CALN1: variants seen among roughly 807,000 people sequenced by gnomAD.
CALN1 encodes the protein calcium-binding protein 8.
A neutral mutation model predicts 30.6 loss-of-function variants in CALN1; 17 were observed. The ratio of observed to expected loss-of-function variants is 0.56; its 90% CI spans 0.38 to 0.83. CALN1 has a LOEUF of 0.83. Ranked by LOEUF, CALN1 falls within the 40% of genes least tolerant of loss-of-function variation. CALN1 has a pLI of 0.00. For synonymous variants in CALN1, 156 were observed against 131.4 expected, an observed-to-expected ratio of 1.19 and a Z score of -1.28; for missense variants, 291 against 354.9, an observed-to-expected ratio of 0.82 and a Z score of 1.45.
intron 1 of CALN1, among the ~76,000 whole-genome samples, chr7:72,418,483 G>C (rs1415142610): frequency 2.6e-5 from 4 of 152,142 alleles, no homozygotes; most frequent in Admixed American, 2.6e-4. Flanking sequence ...GTTTGGGAAG[G>C]GGCTCTGCCC....
intron 3 of CALN1, among the ~76,000 whole-genome samples, chr7:72,225,212 C>T (rs763119998): frequency 6.6e-6 from 1 of 152,046 alleles, no homozygotes; most frequent in Non-Finnish European, 1.5e-5. Flanking sequence ...CAAAAGAGGC[C>T]GGGCTCGGCT....
intron 1 of CALN1, among the ~76,000 whole-genome samples, chr7:72,425,747 G>A (rs1338159021): frequency 1.3e-5 from 2 of 152,272 alleles, no homozygotes; most frequent in Admixed American, 1.3e-4. Context: ...AATAGATGAC[G>A]TTAAGGGGGC....
intron 6 of CALN1, among the ~76,000 whole-genome samples, chr7:71,805,556 G>A (rs930401777): frequency 4.6e-5 from 7 of 152,160 alleles, no homozygotes; most frequent in Non-Finnish European, 8.8e-5. Flanking sequence ...AGATTGAACT[G>A]TTCTGCCCCG....
chr7:72,318,758 C>T (rs557503507), intron 2 of CALN1, among the ~76,000 whole-genome samples: 1 of 127,322 alleles, frequency 7.9e-6, no homozygotes. Flanking sequence ...CGCTATGTTG[C>T]CCAGACTAGT....
chr7:72,106,851 G>GGGA (rs1807191898), intron 3 of CALN1, among the ~76,000 whole-genome samples: 1 of 92,226 alleles, frequency 1.1e-5, no homozygotes, highest in Non-Finnish European at 2.5e-5. Flanking sequence ...GGGAGGAGGA[G>GGGA]GGAAGGAAGG....
At chr7:71,971,876 C>T (rs919677894) in intron 5 of CALN1, among the ~76,000 whole-genome samples, 3 of 133,710 alleles carry the variant, frequency 2.2e-5, no homozygotes, top group South Asian at 2.7e-4. Context: ...TTCACAGTCA[C>T]TCCAAACTGG....
At chr7:72,267,064 A>G (rs1247423185) in intron 3 of CALN1, among the ~76,000 whole-genome samples, 1 of 152,124 alleles carries the variant, frequency 6.6e-6, no homozygotes, top group Non-Finnish European at 1.5e-5. Flanking sequence ...TCTGGAGGAG[A>G]GAACTTTGAG....
At chr7:72,031,821 A>C (rs1396111152) in intron 4 of CALN1, among the ~76,000 whole-genome samples, 1 of 147,406 alleles carries the variant, frequency 6.8e-6, no homozygotes, top group South Asian at 2.1e-4. Flanking sequence ...GGCTGATCGC[A>C]ACCTCCGCCT....
intron 5 of CALN1, among the ~76,000 whole-genome samples, chr7:71,999,809 A>G (rs1383283557): frequency 6.6e-6 from 1 of 152,182 alleles, no homozygotes; most frequent in African/African-American, 2.4e-5. Flanking sequence ...CACTGTGCCC[A>G]GCCATATGCA....
chr7:72,295,175 T>C (rs1403231887), intron 2 of CALN1, among the ~76,000 whole-genome samples: 4 of 152,102 alleles, frequency 2.6e-5, no homozygotes, highest in African/African-American at 9.7e-5. Flanking sequence ...TTTTTTAAAA[T>C]AAAATAGAAG....
intron 3 of CALN1, among the ~76,000 whole-genome samples, chr7:72,245,991 C>G (rs1286084526): frequency 6.6e-6 from 1 of 152,182 alleles, no homozygotes; most frequent in African/African-American, 2.4e-5. Context: ...CACTATGAAA[C>G]AAAACTCAGA....
intron 1 of CALN1, 113 bp downstream of exon 1, chr7:72,411,945 A>G (rs574238143): frequency 1.3e-5 from 2 of 152,310 alleles, no homozygotes; most frequent in African/African-American, 4.8e-5. Context: ...AAACACCACC[A>G]TAATCCGGAA....
chr7:72,155,832 T>C (rs1240034145), intron 3 of CALN1, among the ~76,000 whole-genome samples: 1 of 152,168 alleles, frequency 6.6e-6, no homozygotes, highest in Non-Finnish European at 1.5e-5. Flanking sequence ...TGGTTCCCTC[T>C]GGAAGCTCAG....
At chr7:71,974,915 G>T (rs189488262) in intron 5 of CALN1, among the ~76,000 whole-genome samples, 216 of 152,290 alleles carry the variant, frequency 1.4e-3, no homozygotes, top group Admixed American at 5.7e-3. Context: ...TCTGGGAGAT[G>T]AGATGAAGGC....
chr7:72,111,163 A>G (rs1437160217), intron 3 of CALN1, among the ~76,000 whole-genome samples: 3 of 152,192 alleles, frequency 2.0e-5, no homozygotes, highest in Non-Finnish European at 4.4e-5. Flanking sequence ...TAGTATGCCA[A>G]TTTTAACCAC....
chr7:71,983,778 C>A lies in CALN1; in HGVS notation c.501+39879G>T, dbSNP rs911134496. ...CACTCCTGACCTCAGGTGATCCACCCACCTCGGCCTCCCAAAGTGCTGGGA... is the reference window on the plus strand; with the variant it reads ...CACTCCTGACCTCAGGTGATCCACCAACCTCGGCCTCCCAAAGTGCTGGGA... On this transcript the variant is annotated intron_variant, in intron 5 of 6. Transcript: ENST00000395275. 1.6e-4 allele frequency among the ~76,000 whole-genome samples: 25 copies of A among 152,244 alleles called. 1 individual carries two copies. The highest frequency in any genetic ancestry group is 6.0e-4 in the African/African-American group (25 of 41,564).
Position 71,818,847 on chromosome 7 carries a change from T to C in CALN1, c.502-8355A>G, listed in dbSNP as rs1232985981. On this transcript the variant is annotated intron_variant, in intron 5 of 6. Transcript: ENST00000395275. ...GCCTCAGCCTCCCGAGTAGCTGGTA[T>C]TACAGGTGTGCACCACCATGTCTGG... 5.9e-5 allele frequency among the ~76,000 whole-genome samples: 9 copies of C among 151,774 alleles called. No individual in the cohort carries two copies. The East Asian group carries it at 1.8e-3, about 30-fold the overall frequency.
chr7:72,379,750 C>T (rs566140155), intron 2 of CALN1, among the ~76,000 whole-genome samples: 9 of 152,320 alleles, frequency 5.9e-5, no homozygotes, highest in East Asian at 5.8e-4. Context: ...TTTTAGCATT[C>T]TATCTGTCTA....
chr7:72,431,705 G>C (rs887536513), intron 1 of CALN1, among the ~76,000 whole-genome samples: 2 of 152,120 alleles, frequency 1.3e-5, no homozygotes, highest in Admixed American at 1.3e-4. Flanking sequence ...TACCGAGTGT[G>C]GTCATGCGTG....
Sources: allele counts gnomAD v4.1 joint callset (sites outside exome capture counted in the v4.1 genomes callset), GRCh38; gene constraint gnomAD v4.1.1; transcripts MANE v1.5; gene names NCBI Gene and HGNC (gene_info 2026-07-23, HGNC 2026-07-21).